Variants in MLPH observed in about 807,000 individuals in gnomAD.
MLPH encodes exophilin-3.
MLPH carries 51 observed loss-of-function variants against 72.1 expected under a neutral mutation model. That is an observed-to-expected ratio of 0.71 (90% CI 0.56 to 0.89). The LOEUF (loss-of-function observed/expected upper bound fraction) is 0.89. Ranked by LOEUF, MLPH falls within the 40% of genes least tolerant of loss-of-function variation. The probability of loss-of-function intolerance (pLI) is 0.00; values close to 1 mark genes in which losing one functional copy is unlikely to be tolerated. For synonymous variants in MLPH, 301 were observed against 310.1 expected (o/e 0.97, Z 0.31); for missense variants, 743 against 759.9 (o/e 0.98, Z 0.26).
In MLPH at chr2:237,553,893, C is replaced by T. The variant is rs1010318108; in HGVS notation, c.*301C>T. On this transcript the variant is annotated 3_prime_UTR_variant, in exon 16 of 16. Transcript: ENST00000264605. ...GTTGTGTAAATCTTTGAAGGACACA[C>T]CGAAGACCTTTATACTGTGATCTTT... 8.7e-6 allele frequency: 5 copies of T among 572,070 alleles called. No homozygotes were observed. In the African/African-American group the frequency reaches 9.2e-5, roughly 11 times the overall value. 35.4% of individuals were successfully genotyped at this position (572,070 alleles called of 1,614,324 possible).
chr2:237,528,658 G>A (rs1474298142), intron 8 of MLPH, among the ~76,000 whole-genome samples: 1 of 151,920 alleles, frequency 6.6e-6, no homozygotes, highest in Non-Finnish European at 1.5e-5. Flanking sequence ...ACAATTCAGT[G>A]ACAGTACATT....
At chr2:237,548,514 T>A (rs577649726) in intron 13 of MLPH, among the ~76,000 whole-genome samples, 1 of 152,258 alleles carries the variant, frequency 6.6e-6, no homozygotes, top group Admixed American at 6.5e-5. Flanking sequence ...TCTTCCAGTA[T>A]CCCTGTAAAG....
In MLPH at chr2:237,518,615, G is replaced by A. The variant is rs181807989; in HGVS notation, c.522G>A (p.Glu174=). The A allele has an allele frequency of 4.4e-4, 714 of 1,612,760 alleles. 7 individuals carry two copies. The Admixed American group carries it at 0.011, about 26-fold the overall frequency. Residue 174 remains glutamate (E), a synonymous_variant, in exon 5 of 16, where the codon GAG becomes GAA. Coordinates refer to ENST00000264605, the MANE Select transcript of MLPH (RefSeq NM_024101.7). ...QTDEDGEPGS[E]AQAQAQPFGS... is the part of the protein sequence containing the mutation. Reference sequence around the variant, plus strand: ...ATGAGGATGGAGAACCTGGCTCAGAGGCCCAGGCCCAGGCCCAGCCCTTTG... The same window carrying A: ...ATGAGGATGGAGAACCTGGCTCAGAAGCCCAGGCCCAGGCCCAGCCCTTTG...
At chr2:237,550,706 T>C (rs2081020000) in intron 14 of MLPH, among the ~76,000 whole-genome samples, 1 of 152,124 alleles carries the variant, frequency 6.6e-6, no homozygotes, top group South Asian at 2.1e-4. Flanking sequence ...CCTGCCACCA[T>C]GCTAGGCTAA....
At chr2:237,535,547 C>A (rs980638413) in intron 9 of MLPH, among the ~76,000 whole-genome samples, 12 of 152,054 alleles carry the variant, frequency 7.9e-5, no homozygotes, top group Non-Finnish European at 1.8e-4. Flanking sequence ...AGCCGGGGTG[C>A]AGAGGGAGTA....
At chr2:237,529,071 G>A (rs1467864612) in intron 8 of MLPH, among the ~76,000 whole-genome samples, 2 of 152,066 alleles carry the variant, frequency 1.3e-5, no homozygotes, top group African/African-American at 2.4e-5. Flanking sequence ...TAGAAAGAGT[G>A]TTGCTCTGTT....
Position 237,525,620 on chromosome 2 carries a change from G to A in MLPH, c.695G>A (p.Cys232Tyr), listed in dbSNP as rs1157832648. ...GCTTAGTCCCTCACAGATGAGTCCT[G>A]CTCAGAGAAGGCAGCCCCTCACAAG... ...DSPQSLTDES[C>Y]SEKAAPHKAE... Residue 232 changes from cysteine to tyrosine, a missense_variant, in exon 7 of 16, where the codon TGC becomes TAC. Coordinates refer to ENST00000264605, the MANE Select transcript of MLPH (RefSeq NM_024101.7). The A allele has an allele frequency of 1.2e-6, 2 of 1,614,008 alleles. No individual in the cohort carries two copies. The highest frequency in any genetic ancestry group is 1.7e-6 in the Non-Finnish European group (2 of 1,180,034).
At chr2:237,536,658 G>A (rs533793104) in intron 9 of MLPH, among the ~76,000 whole-genome samples, 21 of 152,258 alleles carry the variant, frequency 1.4e-4, no homozygotes, top group African/African-American at 4.6e-4. Flanking sequence ...AGGCCCCTGC[G>A]GAACACTGAC....
chr2:237,510,900 CGTGTGTGTGT>C lies in MLPH; in HGVS notation c.333-73_333-64del, dbSNP rs71887544. ...GGGTGGACGCACACATGCACACACT[CGTGTGTGTGT>C]GTGTGTGTGTGTGTGAGATTTATGC... On this transcript the variant is annotated intron_variant, in intron 3 of 15. Coordinates refer to ENST00000264605, the MANE Select transcript of MLPH (RefSeq NM_024101.7). The surrounding 1 kb of genome is among the most constrained non-coding windows in gnomAD (Gnocchi z 4.4). 6.1e-6 allele frequency: 8 copies of C among 1,319,160 alleles called. No homozygotes were observed. Among genetic ancestry groups the C allele is most frequent in the South Asian group, 2.4e-5 (2 of 82,630 alleles). 81.7% of individuals were successfully genotyped at this position (1,319,160 alleles called of 1,614,324 possible).
At chr2:237,514,192 C>A (rs928962618) in intron 4 of MLPH, among the ~76,000 whole-genome samples, 1 of 151,860 alleles carries the variant, frequency 6.6e-6, no homozygotes. Flanking sequence ...GAGAATGGGG[C>A]GGGATGCTCT....
At chr2:237,553,352 A>G (rs953053177) in intron 15 of MLPH, 2 of 645,970 alleles carry the variant, frequency 3.1e-6, no homozygotes, top group African/African-American at 1.8e-5. Context: ...AGTTCTAGGA[A>G]GTCAGCACGA....
At chr2:237,519,839 G>T (rs917043928) in intron 5 of MLPH, 71 bp from the exon 6 acceptor site, 3 of 1,610,346 alleles carry the variant, frequency 1.9e-6, no homozygotes, top group Non-Finnish European at 2.5e-6. Flanking sequence ...GGTTGGGGAG[G>T]TGCAGGGTAT....
At chr2:237,514,389 C>G (rs947347247) in intron 4 of MLPH, among the ~76,000 whole-genome samples, 1 of 152,138 alleles carries the variant, frequency 6.6e-6, no homozygotes, top group Non-Finnish European at 1.5e-5. Context: ...ATAAACCGTG[C>G]ATGCCCAGCC....
intron 8 of MLPH, among the ~76,000 whole-genome samples, chr2:237,532,619 C>G (rs916131339): frequency 1.3e-5 from 2 of 152,174 alleles, no homozygotes; most frequent in African/African-American, 2.4e-5. Flanking sequence ...AAACTCTAAA[C>G]TTTGGTATTG....
intron 1 of MLPH, among the ~76,000 whole-genome samples, chr2:237,492,002 G>A (rs6760890): frequency 0.1 from 15,517 of 152,178 alleles, 944 homozygotes; most frequent in Non-Finnish European, 0.14. Context: ...GGGCCAACAC[G>A]TGCACTCGAG....
intron 12 of MLPH, among the ~76,000 whole-genome samples, chr2:237,545,290 G>A (rs2080890490): frequency 6.6e-6 from 1 of 151,884 alleles, no homozygotes; most frequent in Admixed American, 6.6e-5. Context: ...TGCCCCCTGA[G>A]GCCTCCCCAC....
In MLPH at chr2:237,535,541, G is replaced by A. The variant is rs78078230; in HGVS notation, c.1104+894G>A. On this transcript the variant is annotated intron_variant, in intron 9 of 15. Coordinates refer to ENST00000264605, the MANE Select transcript of MLPH (RefSeq NM_024101.7). ...CTGAGAGACAGGCAGACAGACAGCCGGGGTGCAGAGGGAGTAGGGACCCAG... is the reference window on the plus strand; with the variant it reads ...CTGAGAGACAGGCAGACAGACAGCCAGGGTGCAGAGGGAGTAGGGACCCAG... Among the ~76,000 whole-genome samples the A allele has an allele frequency of 3.6e-3, 551 of 152,174 alleles. 2 individuals are homozygous for A. Among genetic ancestry groups the A allele is most frequent in the African/African-American group, 0.013 (531 of 41,508 alleles).
intron 6 of MLPH, among the ~76,000 whole-genome samples, chr2:237,523,700 G>C (rs13399735): frequency 4.4e-4 from 67 of 152,056 alleles, no homozygotes; most frequent in Admixed American, 2.6e-4. Flanking sequence ...AGTGTCCCTC[G>C]TTGTGTTGTG....
At chr2:237,501,664 T>TAAAAAAAAA (rs58268748) in intron 2 of MLPH, among the ~76,000 whole-genome samples, 19 of 63,520 alleles carry the variant, frequency 3.0e-4, no homozygotes, top group East Asian at 3.7e-4. Context: ...ACGTCTCTAC[T>TAAAAAAAAA]AAAAAAAAAA....
Sources: allele counts gnomAD v4.1 joint callset (sites outside exome capture counted in the v4.1 genomes callset), GRCh38; gene constraint gnomAD v4.1.1; non-coding constraint Gnocchi (gnomAD v3.1); transcripts MANE v1.5; gene names NCBI Gene and HGNC (gene_info 2026-07-23, HGNC 2026-07-21).